The following EPHA6 variants were observed in gnomAD, a reference collection of about 807,000 sequenced individuals.
The protein encoded by EPHA6 is EPH receptor A6, also known as ephrin type-A receptor 6.
EPHA6 carries 50 observed loss-of-function variants against 112.0 expected under a neutral mutation model. The observed-to-expected ratio is 0.45, with a 90% CI of 0.36 to 0.56. EPHA6 has a LOEUF of 0.56. Ranked by LOEUF, EPHA6 falls within the 20% of genes least tolerant of loss-of-function variation. EPHA6 has a pLI of 0.00. For synonymous variants in EPHA6, 529 were observed against 490.7 expected, an observed-to-expected ratio of 1.08 and a Z score of -1.03; for missense variants, 1,280 against 1,417.4, an observed-to-expected ratio of 0.90 and a Z score of 1.56.
intron 2 of EPHA6, among the ~76,000 whole-genome samples, chr3:96,983,481 T>G (rs1170739449): frequency 6.6e-6 from 1 of 152,182 alleles, no homozygotes; most frequent in Non-Finnish European, 1.5e-5. Context: ...TGGCTGCCCT[T>G]AACATTTTTT....
chr3:97,483,019 G>A (rs1455991633), intron 9 of EPHA6, among the ~76,000 whole-genome samples: 3 of 152,198 alleles, frequency 2.0e-5, no homozygotes, highest in African/African-American at 7.2e-5. Context: ...TCAGGAGGCC[G>A]AGGCAGGAGG....
intron 2 of EPHA6, among the ~76,000 whole-genome samples, chr3:96,970,978 G>A (rs1310366798): frequency 6.6e-6 from 1 of 151,978 alleles, no homozygotes; most frequent in Non-Finnish European, 1.5e-5. Flanking sequence ...AACTAGCATA[G>A]TATTCATATA....
intron 15 of EPHA6, among the ~76,000 whole-genome samples, chr3:97,731,230 A>C (rs2107832939): frequency 6.6e-6 from 1 of 152,228 alleles, no homozygotes; most frequent in Non-Finnish European, 1.5e-5. Flanking sequence ...TGACTCCCTG[A>C]CCGCTAACTT....
chr3:97,674,692 C>T (rs2031189897), intron 14 of EPHA6, among the ~76,000 whole-genome samples: 1 of 152,186 alleles, frequency 6.6e-6, no homozygotes, highest in South Asian at 2.1e-4. Flanking sequence ...AGCCTAATAG[C>T]TGACTGATTC....
chr3:96,836,928 A>G (rs903473771), intron 1 of EPHA6, among the ~76,000 whole-genome samples: 3 of 152,156 alleles, frequency 2.0e-5, no homozygotes, highest in African/African-American at 7.2e-5. Flanking sequence ...GGTAGATACC[A>G]TTATTATTCC....
At chr3:96,942,859 A>G (rs1468978106) in intron 2 of EPHA6, among the ~76,000 whole-genome samples, 2 of 152,216 alleles carry the variant, frequency 1.3e-5, no homozygotes, top group Non-Finnish European at 2.9e-5. Context: ...GGGTATTCCA[A>G]AATGACCTTG....
At chr3:97,079,890 T>G (rs2046665904) in intron 3 of EPHA6, among the ~76,000 whole-genome samples, 1 of 149,248 alleles carries the variant, frequency 6.7e-6, no homozygotes. Context: ...AAGGCTCACA[T>G]GATTGTTAGG....
At chr3:97,593,678 G>GCTA (rs950196912) in intron 12 of EPHA6, among the ~76,000 whole-genome samples, 2 of 152,136 alleles carry the variant, frequency 1.3e-5, no homozygotes, top group Admixed American at 6.6e-5. Flanking sequence ...TCTTGTCCTT[G>GCTA]TTAGCATAAT....
intron 13 of EPHA6, among the ~76,000 whole-genome samples, chr3:97,615,295 C>G (rs1476179664): frequency 6.6e-6 from 1 of 152,142 alleles, no homozygotes; most frequent in African/African-American, 2.4e-5. Flanking sequence ...GTCTGACACA[C>G]AGAACTGTGT....
intron 14 of EPHA6, among the ~76,000 whole-genome samples, chr3:97,668,333 C>T (rs2030380161): frequency 6.6e-6 from 1 of 152,034 alleles, no homozygotes; most frequent in African/African-American, 2.4e-5. Flanking sequence ...AAACATCTTG[C>T]CTGAAAAAGC....
chr3:96,973,213 A>AT (rs1306317263), intron 2 of EPHA6, among the ~76,000 whole-genome samples: 1 of 152,166 alleles, frequency 6.6e-6, no homozygotes, highest in Non-Finnish European at 1.5e-5. Context: ...AAATAGATTA[A>AT]TTATTACTCA....
At chr3:97,496,978 C>T (rs2091996522) in intron 10 of EPHA6, among the ~76,000 whole-genome samples, 1 of 152,154 alleles carries the variant, frequency 6.6e-6, no homozygotes, top group Non-Finnish European at 1.5e-5. Flanking sequence ...TCAGCTCTGC[C>T]TTCAAATATA....
intron 14 of EPHA6, among the ~76,000 whole-genome samples, chr3:97,671,702 C>T (rs1196378466): frequency 6.6e-6 from 1 of 152,080 alleles, no homozygotes; most frequent in Non-Finnish European, 1.5e-5. Flanking sequence ...CTTGGATAGA[C>T]TCAGGGCAAA....
intron 3 of EPHA6, among the ~76,000 whole-genome samples, chr3:97,148,546 A>G (rs1483801257): frequency 1.3e-5 from 2 of 152,206 alleles, no homozygotes; most frequent in African/African-American, 2.4e-5. Context: ...TCCTTTTAAT[A>G]TATGCTACTT....
At chr3:97,479,144 T>C in intron 8 of EPHA6, 150 bp from the exon 9 acceptor site, 1 of 509,966 alleles carries the variant, frequency 2.0e-6, no homozygotes, top group Non-Finnish European at 3.4e-6. Flanking sequence ...ATAAAAAACC[T>C]ACTATAGAAT....
intron 3 of EPHA6, among the ~76,000 whole-genome samples, chr3:97,086,700 G>A (rs1415940083): frequency 6.6e-6 from 1 of 151,798 alleles, no homozygotes; most frequent in Non-Finnish European, 1.5e-5. Flanking sequence ...CACCCTAAAT[G>A]TTAAAATAGA....
chr3:97,617,539 A>G (rs2093776969), intron 13 of EPHA6, among the ~76,000 whole-genome samples: 1 of 152,156 alleles, frequency 6.6e-6, no homozygotes, highest in East Asian at 1.9e-4. Flanking sequence ...GACCCATCTC[A>G]CTCACATGCA....
intron 6 of EPHA6, among the ~76,000 whole-genome samples, chr3:97,440,552 A>T (rs760551115): frequency 1.8e-4 from 27 of 149,614 alleles, no homozygotes; most frequent in Non-Finnish European, 2.7e-4. Context: ...CAGAGAAATT[A>T]AAAAAAACCC....
At chr3:97,420,227 T>C (rs2088504023) in intron 6 of EPHA6, among the ~76,000 whole-genome samples, 1 of 152,012 alleles carries the variant, frequency 6.6e-6, no homozygotes, top group Admixed American at 6.5e-5. Context: ...TATAATAATG[T>C]CACTCGTTCT....
Sources: allele counts gnomAD v4.1 joint callset (sites outside exome capture counted in the v4.1 genomes callset), GRCh38; gene constraint gnomAD v4.1.1; transcripts MANE v1.5; gene names NCBI Gene and HGNC (gene_info 2026-07-23, HGNC 2026-07-21).